Variants in ME3 observed in about 807,000 individuals in gnomAD.
ME3 encodes NADP-dependent malic enzyme, mitochondrial.
In ME3, 48 loss-of-function variants were observed where a neutral mutation model predicts 68.9. The ratio of observed to expected loss-of-function variants is 0.70; its 90% CI spans 0.55 to 0.89. The LOEUF (loss-of-function observed/expected upper bound fraction) is 0.89, where lower values mean the gene tolerates loss of function less well. Among genes scored for constraint, ME3 ranks in the 40% least tolerant of loss-of-function variants. ME3 has a pLI of 0.00. For missense variants in ME3, 675 were observed against 797.4 expected, an observed-to-expected ratio of 0.85 and a Z score of 1.85; for synonymous variants, 320 against 318.8, an observed-to-expected ratio of 1.00 and a Z score of -0.04.
intron 2 of ME3, among the ~76,000 whole-genome samples, chr11:86,617,807 C>A (rs1267287163): frequency 6.6e-6 from 1 of 152,106 alleles, no homozygotes; most frequent in East Asian, 1.9e-4. Context: ...TATAAAATTT[C>A]TTTTTTGGGT....
At chr11:86,464,265 C>G (rs1370249211) in intron 8 of ME3, 1 of 335,146 alleles carries the variant, frequency 3.0e-6, no homozygotes, top group Non-Finnish European at 5.8e-6. Context: ...AAAGCATCAT[C>G]AAGGTTTCTC....
chr11:86,624,462 C>G (rs17819523), intron 2 of ME3, among the ~76,000 whole-genome samples: 23,235 of 152,184 alleles, frequency 0.15, 1,930 homozygotes, highest in Non-Finnish European at 0.19. Context: ...TTTGAGAACA[C>G]TCCTCTATTC....
At chr11:86,598,344 T>C (rs1456448815) in intron 2 of ME3, among the ~76,000 whole-genome samples, 1 of 152,212 alleles carries the variant, frequency 6.6e-6, no homozygotes, top group Admixed American at 6.5e-5. Flanking sequence ...GTCTCGCTCA[T>C]TGCTAGCACA....
chr11:86,585,358 A>G (rs1239925505), intron 2 of ME3, among the ~76,000 whole-genome samples: 1 of 152,152 alleles, frequency 6.6e-6, no homozygotes, highest in East Asian at 1.9e-4. Context: ...TTGTGCTAGG[A>G]TGGTGGAATG....
intron 7 of ME3, among the ~76,000 whole-genome samples, chr11:86,474,824 C>T (rs1213504604): frequency 6.6e-6 from 1 of 152,226 alleles, no homozygotes; most frequent in Non-Finnish European, 1.5e-5. Context: ...AGGCCATTGG[C>T]TGCGTACACA....
chr11:86,651,035 C>T (rs1056320368), intron 2 of ME3, among the ~76,000 whole-genome samples: 9 of 152,158 alleles, frequency 5.9e-5, no homozygotes, highest in South Asian at 4.2e-4. Context: ...AAGGTGGCAG[C>T]GAGGCTGGGG....
At chr11:86,672,173 A>C in intron 1 of ME3, 151 bp downstream of exon 1, 1 of 445,194 alleles carries the variant, frequency 2.2e-6, no homozygotes, top group East Asian at 3.7e-5. Flanking sequence ...GCAAAGCGAA[A>C]CCAAGCCCTG....
chr11:86,657,624 A>T (rs1022853898), intron 2 of ME3, among the ~76,000 whole-genome samples: 6 of 152,214 alleles, frequency 3.9e-5, no homozygotes, highest in Non-Finnish European at 1.5e-5. Context: ...ATAATAATAA[A>T]AAAAAGATAA....
intron 2 of ME3, among the ~76,000 whole-genome samples, chr11:86,618,077 T>C (rs570040521): frequency 6.6e-6 from 1 of 152,006 alleles, no homozygotes; most frequent in African/African-American, 2.4e-5. Context: ...GTTGGGCAGA[T>C]TGCCTGAGTC....
intron 2 of ME3, among the ~76,000 whole-genome samples, chr11:86,617,340 C>T (rs1943047653): frequency 6.6e-6 from 1 of 151,886 alleles, no homozygotes; most frequent in African/African-American, 2.4e-5. Flanking sequence ...TTTGAAGGTT[C>T]TTCTTTCCAA....
intron 4 of ME3, among the ~76,000 whole-genome samples, chr11:86,544,521 A>G (rs1956245726): frequency 6.6e-6 from 1 of 152,246 alleles, no homozygotes; most frequent in African/African-American, 2.4e-5. Flanking sequence ...AGAATACTAT[A>G]AACACTTCTA....
intron 4 of ME3, among the ~76,000 whole-genome samples, chr11:86,550,832 A>G (rs918375722): frequency 1.3e-5 from 2 of 152,066 alleles, no homozygotes; most frequent in Non-Finnish European, 2.9e-5. Context: ...TACTGGGGCA[A>G]GGTTGTCTTT....
At chr11:86,588,581 A>G (rs1207809050) in intron 2 of ME3, among the ~76,000 whole-genome samples, 1 of 152,192 alleles carries the variant, frequency 6.6e-6, no homozygotes, top group Non-Finnish European at 1.5e-5. Context: ...AGGGCAACAC[A>G]GCAAGCTGGA....
At chr11:86,555,024 A>G (rs1246794046) in intron 4 of ME3, among the ~76,000 whole-genome samples, 1 of 152,100 alleles carries the variant, frequency 6.6e-6, no homozygotes, top group Admixed American at 6.6e-5. Flanking sequence ...GGAGAAGTTG[A>G]CCCTTGGGGT....
chr11:86,582,679 A>G (rs1231016578), intron 2 of ME3, among the ~76,000 whole-genome samples: 1 of 152,222 alleles, frequency 6.6e-6, no homozygotes, highest in African/African-American at 2.4e-5. Flanking sequence ...TATTAATGTT[A>G]GTGCCTTAAA....
At chr11:86,485,308 G>A (rs527963418) in intron 7 of ME3, among the ~76,000 whole-genome samples, 6 of 152,268 alleles carry the variant, frequency 3.9e-5, no homozygotes, top group Admixed American at 2.6e-4. Context: ...CTTCACTATC[G>A]TAGTTATTGC....
chr11:86,461,019 C>G (rs958829046), intron 8 of ME3, among the ~76,000 whole-genome samples: 1 of 152,170 alleles, frequency 6.6e-6, no homozygotes, highest in Non-Finnish European at 1.5e-5. Context: ...GGAATGGGAA[C>G]GATGGGGAGG....
At chr11:86,617,051 T>TTTTTC (rs1943015400) in intron 2 of ME3, among the ~76,000 whole-genome samples, 1 of 56,972 alleles carries the variant, frequency 1.8e-5, no homozygotes, top group Non-Finnish European at 3.7e-5. Flanking sequence ...AGTAGTTTTT[T>TTTTTC]TTTTTTTTTT....
At chr11:86,653,161 C>A (rs1375641005) in intron 2 of ME3, among the ~76,000 whole-genome samples, 11 of 152,224 alleles carry the variant, frequency 7.2e-5, no homozygotes, top group African/African-American at 2.6e-4. Context: ...CTTTAACACC[C>A]CACTGTCAAC....
Sources: gnomAD v4.1 joint callset for allele counts (sites outside exome capture counted in the v4.1 genomes callset) on GRCh38, gnomAD v4.1.1 for gene constraint, MANE v1.5 for transcripts, NCBI Gene and HGNC (gene_info 2026-07-23, HGNC 2026-07-21) for gene names.